Variants in HMCN1 observed in about 807,000 individuals in gnomAD.
HMCN1 encodes hemicentin-1.
Under a neutral mutation model 625.9 loss-of-function variants are expected in HMCN1, and 321 were observed. The observed-to-expected ratio is 0.51, with a 90% CI of 0.47 to 0.56. HMCN1 has a LOEUF of 0.56. HMCN1 is among the 20% of genes least tolerant of loss of function. The pLI is 0.00. For missense variants in HMCN1, 6,588 were observed against 6,887.3 expected, an observed-to-expected ratio of 0.96 and a Z score of 1.54; for synonymous variants, 2,425 against 2,417.6, an observed-to-expected ratio of 1.00 and a Z score of -0.09.
intron 29 of HMCN1, among the ~76,000 whole-genome samples, chr1:186,004,443 T>C (rs1347789234): frequency 6.6e-6 from 1 of 152,062 alleles, no homozygotes; most frequent in Non-Finnish European, 1.5e-5. Context: ...AAATAAAAGA[T>C]TGTATTCAAG....
intron 75 of HMCN1, among the ~76,000 whole-genome samples, chr1:186,116,597 G>A (rs1460455125): frequency 6.6e-6 from 1 of 152,086 alleles, no homozygotes; most frequent in African/African-American, 2.4e-5. Flanking sequence ...GAAATTTAAA[G>A]ATAATTTATG....
chr1:186,158,945 T>C (rs1192429981), intron 97 of HMCN1, among the ~76,000 whole-genome samples: 1 of 152,190 alleles, frequency 6.6e-6, no homozygotes, highest in South Asian at 2.1e-4. Context: ...ATATGAACTT[T>C]AGTTTTTTCC....
At chr1:185,911,958 A>G (rs986748209) in intron 6 of HMCN1, among the ~76,000 whole-genome samples, 178 bp downstream of exon 6, 1 of 152,168 alleles carries the variant, frequency 6.6e-6, no homozygotes, top group Admixed American at 6.5e-5. Flanking sequence ...GGTAGTTTTC[A>G]GTTTGAGGAC....
At chr1:186,147,175 G>C (rs1650366687) in intron 93 of HMCN1, among the ~76,000 whole-genome samples, 1 of 152,128 alleles carries the variant, frequency 6.6e-6, no homozygotes, top group Admixed American at 6.5e-5. Flanking sequence ...ACCCACAAAA[G>C]AGTGACACAT....
At chr1:186,185,272 T>A (rs1005544740) in intron 105 of HMCN1, among the ~76,000 whole-genome samples, 19 of 152,212 alleles carry the variant, frequency 1.2e-4, no homozygotes. Context: ...GAGTTCATGA[T>A]GAAAATAAGA....
At chr1:185,850,442 C>T (rs1012933939) in intron 2 of HMCN1, among the ~76,000 whole-genome samples, 2 of 151,948 alleles carry the variant, frequency 1.3e-5, no homozygotes, top group African/African-American at 4.8e-5. Flanking sequence ...AATGAAAATA[C>T]CTACCTTGTC....
chr1:185,958,800 T>C (rs911534284), intron 11 of HMCN1, among the ~76,000 whole-genome samples: 1 of 152,210 alleles, frequency 6.6e-6, no homozygotes, highest in Non-Finnish European at 1.5e-5. Context: ...TTTTGAGCCA[T>C]AGTTTATTTG....
chr1:186,009,070 T>C (rs1440837873), intron 30 of HMCN1, among the ~76,000 whole-genome samples: 1 of 152,220 alleles, frequency 6.6e-6, no homozygotes, highest in African/African-American at 2.4e-5. Context: ...AGCATCCAAG[T>C]TAAACAGAAG....
At chr1:185,980,029 C>T (rs1651506588) in intron 16 of HMCN1, among the ~76,000 whole-genome samples, 1 of 152,078 alleles carries the variant, frequency 6.6e-6, no homozygotes, top group Non-Finnish European at 1.5e-5. Context: ...CCTCATGGCT[C>T]CAATACCCTC....
chr1:185,928,411 G>T (rs1419451308), intron 9 of HMCN1, 135 bp from the exon 10 acceptor site: 1 of 720,374 alleles, frequency 1.4e-6, no homozygotes, highest in African/African-American at 1.8e-5. Context: ...AAGTTAAAAA[G>T]AACTCTGCAG....
intron 97 of HMCN1, among the ~76,000 whole-genome samples, chr1:186,159,734 G>C (rs561869682): frequency 6.6e-6 from 1 of 152,082 alleles, no homozygotes; most frequent in South Asian, 2.1e-4. Flanking sequence ...ATTGATTTGC[G>C]TATATTGAAC....
chr1:185,994,096 G>T (rs1652620939), intron 23 of HMCN1, among the ~76,000 whole-genome samples: 1 of 151,980 alleles, frequency 6.6e-6, no homozygotes, highest in South Asian at 2.1e-4. Flanking sequence ...CCTTTAGAAA[G>T]TGTTCATTAA....
At chr1:186,111,947 G>T (rs1660908014) in intron 71 of HMCN1, among the ~76,000 whole-genome samples, 1 of 152,056 alleles carries the variant, frequency 6.6e-6, no homozygotes, top group Admixed American at 6.5e-5. Context: ...ATCTTATTTG[G>T]GCTATTCCTG....
chr1:186,134,098 G>T (rs1386757907), intron 86 of HMCN1, among the ~76,000 whole-genome samples: 1 of 152,102 alleles, frequency 6.6e-6, no homozygotes, highest in Non-Finnish European at 1.5e-5. Context: ...ATTCATTTTA[G>T]TAAGTGAGGC....
chr1:186,028,536 C>T (rs560613756), intron 36 of HMCN1, among the ~76,000 whole-genome samples: 1 of 152,204 alleles, frequency 6.6e-6, no homozygotes, highest in East Asian at 1.9e-4. Context: ...TGAACCATTA[C>T]GTGCTTTGCA....
intron 1 of HMCN1, among the ~76,000 whole-genome samples, chr1:185,741,681 G>A (rs1351271295): frequency 6.6e-6 from 1 of 151,864 alleles, no homozygotes; most frequent in Non-Finnish European, 1.5e-5. Context: ...TAGAAGTCAA[G>A]AAACTGTTTC....
chr1:186,029,626 T>C (rs988669325), intron 36 of HMCN1, among the ~76,000 whole-genome samples: 2 of 151,948 alleles, frequency 1.3e-5, no homozygotes, highest in Non-Finnish European at 2.9e-5. Context: ...CTTTTGTTTA[T>C]CTTAGTGTAG....
intron 1 of HMCN1, among the ~76,000 whole-genome samples, chr1:185,780,899 AT>A (rs1201409112): frequency 6.6e-6 from 1 of 152,066 alleles, no homozygotes; most frequent in Non-Finnish European, 1.5e-5. Flanking sequence ...TTTTCTATTG[AT>A]TGGAATAGTT....
intron 45 of HMCN1, 135 bp downstream of exon 45, chr1:186,055,809 A>T (rs548552076): frequency 2.6e-5 from 22 of 860,102 alleles, no homozygotes; most frequent in African/African-American, 2.5e-4. Context: ...CCTTTTCCCC[A>T]GGTCAGTCTC....
Sources: allele counts gnomAD v4.1 joint callset (sites outside exome capture counted in the v4.1 genomes callset), GRCh38; gene constraint gnomAD v4.1.1; transcripts MANE v1.5; gene names NCBI Gene and HGNC (gene_info 2026-07-23, HGNC 2026-07-21).